Variants in ZFYVE9 observed in about 807,000 individuals in gnomAD.
The protein encoded by ZFYVE9 is zinc finger FYVE domain-containing protein 9.
A neutral mutation model predicts 126.7 loss-of-function variants in ZFYVE9; 43 were observed. The observed-to-expected ratio is 0.34, with a 90% CI of 0.27 to 0.44. ZFYVE9 has a LOEUF of 0.44. ZFYVE9 is among the 20% of genes least tolerant of loss of function. ZFYVE9 has a pLI of 1.00. For missense variants in ZFYVE9, 1,476 were observed against 1,697.0 expected, an observed-to-expected ratio of 0.87 and a Z score of 2.29; for synonymous variants, 521 against 597.4, an observed-to-expected ratio of 0.87 and a Z score of 1.87.
intron 13 of ZFYVE9, among the ~76,000 whole-genome samples, chr1:52,307,640 G>T (rs548981487): frequency 6.6e-6 from 1 of 152,148 alleles, no homozygotes; most frequent in East Asian, 1.9e-4. Flanking sequence ...TGGTGTGCAG[G>T]TTCAGAATCC....
intron 1 of ZFYVE9, among the ~76,000 whole-genome samples, chr1:52,169,928 A>G (rs1489725848): frequency 6.6e-6 from 1 of 152,130 alleles, no homozygotes; most frequent in Non-Finnish European, 1.5e-5. Flanking sequence ...GTAAGCCTCA[A>G]TTTTTTCCTG....
At chr1:52,152,284 C>T (rs183489191) in intron 1 of ZFYVE9, among the ~76,000 whole-genome samples, 1 of 152,348 alleles carries the variant, frequency 6.6e-6, no homozygotes, top group Non-Finnish European at 1.5e-5. Flanking sequence ...GCCAGTGTGC[C>T]TGGCTATATT....
chr1:52,199,392 T>G (rs964630544), intron 1 of ZFYVE9, among the ~76,000 whole-genome samples: 1 of 152,210 alleles, frequency 6.6e-6, no homozygotes, highest in African/African-American at 2.4e-5. Flanking sequence ...ATTTCTGTAG[T>G]TTCGACTTTT....
chr1:52,219,288 G>T (rs1225884464), intron 2 of ZFYVE9, among the ~76,000 whole-genome samples: 2 of 152,118 alleles, frequency 1.3e-5, no homozygotes, highest in Non-Finnish European at 2.9e-5. Flanking sequence ...TGATAATAAG[G>T]TGTCCTTGGG....
intron 1 of ZFYVE9, among the ~76,000 whole-genome samples, chr1:52,158,499 CAA>C (rs1644423731): frequency 6.6e-6 from 1 of 152,176 alleles, no homozygotes; most frequent in Non-Finnish European, 1.5e-5. Context: ...TTGGAAATGA[CAA>C]TCTTTGGGGG....
chr1:52,172,600 C>T (rs1644584046), intron 1 of ZFYVE9, among the ~76,000 whole-genome samples: 1 of 152,136 alleles, frequency 6.6e-6, no homozygotes, highest in Non-Finnish European at 1.5e-5. Flanking sequence ...GCAGTATGGC[C>T]ATTTTCACGG....
chr1:52,334,854 T>TG, intron 15 of ZFYVE9, 86 bp downstream of exon 15: 2 of 1,316,816 alleles, frequency 1.5e-6, no homozygotes, highest in Non-Finnish European at 2.1e-6. Context: ...TGTAGATGTC[T>TG]GACTCCTACT....
chr1:52,195,205 A>T (rs1430166713), intron 1 of ZFYVE9, among the ~76,000 whole-genome samples: 1 of 152,142 alleles, frequency 6.6e-6, no homozygotes, highest in African/African-American at 2.4e-5. Context: ...CAGTGAGCAC[A>T]GCTTCTAGCT....
At chr1:52,279,658 G>A (rs1324843825) in intron 9 of ZFYVE9, among the ~76,000 whole-genome samples, 1 of 152,066 alleles carries the variant, frequency 6.6e-6, no homozygotes, top group Non-Finnish European at 1.5e-5. Flanking sequence ...TGTAGAGACA[G>A]GAGTCTCACC....
intron 1 of ZFYVE9, among the ~76,000 whole-genome samples, chr1:52,161,889 A>C (rs964645940): frequency 6.6e-6 from 1 of 152,102 alleles, no homozygotes; most frequent in African/African-American, 2.4e-5. Context: ...AGAAGCTTTA[A>C]AAAGGTAATT....
intron 13 of ZFYVE9, among the ~76,000 whole-genome samples, chr1:52,320,553 T>C (rs1646229770): frequency 6.6e-6 from 1 of 152,196 alleles, no homozygotes; most frequent in South Asian, 2.1e-4. Context: ...ACAAAAATGG[T>C]CTTTATAATT....
chr1:52,169,022 C>G (rs1644540013), intron 1 of ZFYVE9, among the ~76,000 whole-genome samples: 2 of 152,134 alleles, frequency 1.3e-5, no homozygotes, highest in African/African-American at 2.4e-5. Flanking sequence ...TTTTTAACTA[C>G]CTTCCTCTGA....
At chr1:52,150,662 G>T (rs1420265351) in intron 1 of ZFYVE9, among the ~76,000 whole-genome samples, 1 of 151,524 alleles carries the variant, frequency 6.6e-6, no homozygotes, top group Non-Finnish European at 1.5e-5. Flanking sequence ...AGTTACTCAG[G>T]AGGCTGAGGC....
intron 1 of ZFYVE9, among the ~76,000 whole-genome samples, chr1:52,143,845 C>T (rs1294635820): frequency 1.3e-5 from 2 of 152,196 alleles, no homozygotes; most frequent in Non-Finnish European, 2.9e-5. Flanking sequence ...TGGCATGGTA[C>T]ACGTTTTTGA....
At position 52,334,740 on chromosome 1, in the gene ZFYVE9, A is replaced by T; in HGVS notation, c.3642A>T (p.Gly1214=). The T allele has an allele frequency of 6.2e-7, 1 of 1,613,908 alleles. No homozygotes were observed. Residue 1214 remains glycine, a synonymous_variant, in exon 15 of 19, where the codon GGA becomes GGT. Coordinates refer to ENST00000287727, the MANE Select transcript of ZFYVE9 (RefSeq NM_004799.4). ...VFSGALKSSS[G]YLAKSSIVED... ...GTGGCGCTCTGAAATCCTCTTCTGG[A>T]TACCTTGCCAAGTCCAGTATTGTGG...
At position 52,303,834 on chromosome 1, in the gene ZFYVE9, A is replaced by C; in HGVS notation, c.3347A>C (p.Tyr1116Ser). 6.3e-7 allele frequency: 1 copy of C among 1,578,812 alleles called. No individual in the cohort carries two copies. The stretch of plus-strand genomic sequence containing the variant: ...GCTTTGGCCCAGGACTTCAGAAATT[A>C]CCAGTATACCTTGCCAGTAGTTCAA... ...IMNLLADFRN[Y>S]QYTLPVVQGL... The change falls in exon 13 of 19, where the codon TAC becomes TCC. Residue 1116 changes from tyrosine (Y) to serine (S), a missense_variant. Around this residue, in one of 2 missense-constraint regions of ZFYVE9, gnomAD observed 669 missense variants for 902.4 expected, o/e 0.74. Coordinates refer to ENST00000287727, the MANE Select transcript of ZFYVE9 (RefSeq NM_004799.4).
chr1:52,331,028 A>C (rs1646336352), intron 13 of ZFYVE9, among the ~76,000 whole-genome samples: 1 of 151,916 alleles, frequency 6.6e-6, no homozygotes, highest in Admixed American at 6.6e-5. Flanking sequence ...CACCACACCC[A>C]GCTCATTTTT....
intron 8 of ZFYVE9, 125 bp downstream of exon 8, chr1:52,274,709 A>G: frequency 2.0e-6 from 2 of 1,011,062 alleles, no homozygotes; most frequent in South Asian, 6.1e-5. Context: ...AAACTCCCCC[A>G]AAACTATGAA....
At chr1:52,206,845 C>T (rs1028153294) in intron 1 of ZFYVE9, among the ~76,000 whole-genome samples, 7 of 152,170 alleles carry the variant, frequency 4.6e-5, no homozygotes, top group Non-Finnish European at 5.9e-5. Context: ...CCACTGTGCG[C>T]GGCCCGGAGA....
Sources: allele counts gnomAD v4.1 joint callset (sites outside exome capture counted in the v4.1 genomes callset), GRCh38; gene constraint gnomAD v4.1.1; regional missense constraint gnomAD v4.1.1; transcripts MANE v1.5; gene names NCBI Gene and HGNC (gene_info 2026-07-23, HGNC 2026-07-21).